VPS13B: variants seen among roughly 807,000 people sequenced by gnomAD.
VPS13B encodes the protein vacuolar protein sorting 13 homolog B, also known as intermembrane lipid transfer protein VPS13B.
In VPS13B, 285 loss-of-function variants were observed where a neutral mutation model predicts 426.4. The ratio of observed to expected loss-of-function variants is 0.67; its 90% CI spans 0.61 to 0.74. The LOEUF is 0.74. Ranked by LOEUF, VPS13B falls within the 30% of genes least tolerant of loss-of-function variation. The pLI is 0.00. For missense variants in VPS13B, 4,537 were observed against 4,782.6 expected, an observed-to-expected ratio of 0.95 and a Z score of 1.51; for synonymous variants, 1,676 against 1,676.4, an observed-to-expected ratio of 1.00 and a Z score of 0.01.
intron 21 of VPS13B, among the ~76,000 whole-genome samples, chr8:99,415,061 G>A (rs1056204322): frequency 6.6e-6 from 1 of 151,934 alleles, no homozygotes; most frequent in Non-Finnish European, 1.5e-5. Flanking sequence ...TGTATGTTTG[G>A]TCTTTTCACA....
chr8:99,037,739 A>G (rs1842810113), intron 2 of VPS13B, among the ~76,000 whole-genome samples: 2 of 152,134 alleles, frequency 1.3e-5, no homozygotes, highest in Non-Finnish European at 1.5e-5. Context: ...TTTCATGCCT[A>G]ACCTTTTATC....
At chr8:99,726,854 T>G (rs762024427) in intron 39 of VPS13B, among the ~76,000 whole-genome samples, 1 of 152,168 alleles carries the variant, frequency 6.6e-6, no homozygotes, top group Admixed American at 6.5e-5. Flanking sequence ...CCAAAAATTC[T>G]ATTATTTATA....
At chr8:99,251,041 A>G (rs1369980687) in intron 17 of VPS13B, among the ~76,000 whole-genome samples, 3 of 151,950 alleles carry the variant, frequency 2.0e-5, no homozygotes, top group Non-Finnish European at 4.4e-5. Flanking sequence ...TATTACTTCT[A>G]GAATGTGTGT....
intron 17 of VPS13B, among the ~76,000 whole-genome samples, chr8:99,257,701 A>C (rs1319882802): frequency 6.6e-6 from 1 of 151,762 alleles, no homozygotes; most frequent in Non-Finnish European, 1.5e-5. Flanking sequence ...GATTTCTCTT[A>C]TTGTGTTTAT....
intron 12 of VPS13B, among the ~76,000 whole-genome samples, chr8:99,140,255 C>A (rs539536441): frequency 2.0e-5 from 3 of 150,898 alleles, no homozygotes; most frequent in Admixed American, 6.6e-5. Flanking sequence ...ATCCCAGCTA[C>A]TTGGGAGGCT....
intron 23 of VPS13B, among the ~76,000 whole-genome samples, chr8:99,461,966 G>A (rs554931854): frequency 7.9e-5 from 12 of 152,104 alleles, no homozygotes; most frequent in Non-Finnish European, 1.8e-4. Flanking sequence ...CTAGAATGAG[G>A]TCACATAATT....
chr8:99,132,120 C>T (rs1809835690), intron 8 of VPS13B, among the ~76,000 whole-genome samples: 1 of 151,726 alleles, frequency 6.6e-6, no homozygotes, highest in Non-Finnish European at 1.5e-5. Flanking sequence ...TGGTCTCAAA[C>T]TCCTGGCCTC....
intron 15 of VPS13B, among the ~76,000 whole-genome samples, chr8:99,160,535 C>T (rs1156671249): frequency 1.3e-5 from 2 of 150,892 alleles, no homozygotes; most frequent in African/African-American, 4.9e-5. Flanking sequence ...GGTTGCGTGC[C>T]AGCTACCTGG....
intron 39 of VPS13B, among the ~76,000 whole-genome samples, chr8:99,742,345 C>T (rs146985174): frequency 0.031 from 4,782 of 152,196 alleles, 114 homozygotes; most frequent in South Asian, 0.078. Context: ...AGCTTAGCAA[C>T]CAAAAAGAGT....
intron 43 of VPS13B, among the ~76,000 whole-genome samples, chr8:99,795,580 T>A (rs1055223085): frequency 6.6e-6 from 1 of 152,238 alleles, no homozygotes. Flanking sequence ...AAGCACTTAT[T>A]ATCCCACAGT....
intron 19 of VPS13B, among the ~76,000 whole-genome samples, chr8:99,382,729 G>T (rs189064095): frequency 2.3e-4 from 35 of 152,208 alleles, no homozygotes; most frequent in Middle Eastern, 3.4e-3. Flanking sequence ...CAAAACTATG[G>T]TATTTTCTAG....
intron 16 of VPS13B, among the ~76,000 whole-genome samples, chr8:99,191,249 T>C (rs1442528506): frequency 1.3e-5 from 2 of 151,888 alleles, no homozygotes; most frequent in Non-Finnish European, 2.9e-5. Flanking sequence ...TTGGTATGTT[T>C]TTAATTCTCT....
chr8:99,174,372 TGTTTTTGAGA>T (rs1308520991), intron 16 of VPS13B, among the ~76,000 whole-genome samples: 1 of 152,204 alleles, frequency 6.6e-6, no homozygotes, highest in Non-Finnish European at 1.5e-5. Context: ...ATGGTAATTC[TGTTTTTGAGA>T]GCTGCCATAC....
intron 23 of VPS13B, among the ~76,000 whole-genome samples, chr8:99,466,892 T>A (rs1320272908): frequency 6.6e-6 from 1 of 152,144 alleles, no homozygotes; most frequent in East Asian, 1.9e-4. Flanking sequence ...AGATCTATGG[T>A]CATTTTCAGT....
rs1272224026 is a variant in VPS13B at position 99,860,187 on chromosome 8, A to G, written c.11044+707A>G. Among the ~76,000 whole-genome samples, 8 of 152,318 alleles carry G rather than the reference A, an allele frequency of 5.3e-5. No homozygotes were observed. The East Asian group carries it at 1.5e-3, about 29-fold the overall frequency. ...GGCATCTGACTATAGGCCATAGGAC[A>G]GGTCTGTGAAAGTCTCTGGAAGGCC... On this transcript the variant is annotated intron_variant, in intron 57 of 61. Transcript: ENST00000357162.
intron 39 of VPS13B, among the ~76,000 whole-genome samples, chr8:99,728,541 C>A (rs1168774749): frequency 6.6e-6 from 1 of 152,124 alleles, no homozygotes; most frequent in Non-Finnish European, 1.5e-5. Context: ...ATGTGTTAGA[C>A]CACATTAGAC....
At chr8:99,718,718 G>T (rs56358545) in intron 37 of VPS13B, among the ~76,000 whole-genome samples, 9,257 of 149,080 alleles carry the variant, frequency 0.062, 392 homozygotes, top group Non-Finnish European at 0.09. Context: ...ACATCCTGAA[G>T]TGCAGTGGTG....
intron 19 of VPS13B, among the ~76,000 whole-genome samples, chr8:99,308,265 G>A (rs1049673298): frequency 6.6e-6 from 1 of 151,354 alleles, no homozygotes; most frequent in African/African-American, 2.4e-5. Context: ...GCACCACGTC[G>A]GTGTGCTGCA....
At chr8:99,414,611 C>A (rs1365329313) in intron 21 of VPS13B, among the ~76,000 whole-genome samples, 1 of 151,986 alleles carries the variant, frequency 6.6e-6, no homozygotes, top group Non-Finnish European at 1.5e-5. Flanking sequence ...TAAGTCAGGC[C>A]CAGTGGTGGC....
Sources: allele counts gnomAD v4.1 joint callset (sites outside exome capture counted in the v4.1 genomes callset), GRCh38; gene constraint gnomAD v4.1.1; transcripts MANE v1.5; gene names NCBI Gene and HGNC (gene_info 2026-07-23, HGNC 2026-07-21).